CSNK2A2: variants seen among roughly 807,000 people sequenced by gnomAD.
The protein encoded by CSNK2A2 is casein kinase II subunit alpha'.
CSNK2A2 carries 8 observed loss-of-function variants against 54.0 expected under a neutral mutation model. The observed-to-expected ratio is 0.15, with a 90% confidence interval of 0.09 to 0.27. The LOEUF is 0.27. CSNK2A2 is among the 10% of genes least tolerant of loss of function. The probability of loss-of-function intolerance (pLI) is 1.00; values close to 1 mark genes in which losing one functional copy is unlikely to be tolerated. For synonymous variants in CSNK2A2, 141 were observed against 153.9 expected (o/e 0.92, Z 0.62); for missense variants, 242 against 439.4 (o/e 0.55, Z 4.02).
chr16:58,171,972 TA>T (rs1243355785), intron 5 of CSNK2A2, among the ~76,000 whole-genome samples: 114 of 33,892 alleles, frequency 3.4e-3, no homozygotes, highest in South Asian at 6.9e-3. Context: ...TATATATATA[TA>T]TATATATTTT....
At chr16:58,194,224 G>T (rs1962379841) in intron 2 of CSNK2A2, among the ~76,000 whole-genome samples, 1 of 152,186 alleles carries the variant, frequency 6.6e-6, no homozygotes. Context: ...CAAGTTATGA[G>T]GAGCTGGTAG....
At chr16:58,163,084 T>C (rs1046713788) in intron 11 of CSNK2A2, 11 of 151,948 alleles carry the variant, frequency 7.2e-5, no homozygotes, top group African/African-American at 2.7e-4. Flanking sequence ...AAGTCTTTCC[T>C]GAAAAAATTC....
chr16:58,179,670 T>C (rs1271097854), intron 4 of CSNK2A2, among the ~76,000 whole-genome samples: 1 of 152,200 alleles, frequency 6.6e-6, no homozygotes, highest in Non-Finnish European at 1.5e-5. Flanking sequence ...AAATTCACAA[T>C]GTTGCAGTTT....
chr16:58,186,317 T>C (rs1190975028), intron 3 of CSNK2A2, among the ~76,000 whole-genome samples: 1 of 152,238 alleles, frequency 6.6e-6, no homozygotes, highest in East Asian at 1.9e-4. Flanking sequence ...TCAGTGGAGC[T>C]GGGACCTGCT....
rs1962524183 is a variant in CSNK2A2 at position 58,198,052 on chromosome 16, A to AGCCACCGGCCGGGAAAGGGGCAGCGGCG, written c.-344_-317dup. ...CGGCGGCGGCGGCACCGGCAGCGGC[A>AGCCACCGGCCGGGAAAGGGGCAGCGGCG]GCCACCGGCCGGGAAAGGGGCAGCG... On this transcript the variant is annotated 5_prime_UTR_variant, in exon 1 of 12. Coordinates refer to ENST00000262506, the MANE Select transcript of CSNK2A2 (RefSeq NM_001896.4). 1.4e-5 allele frequency: 2 copies of AGCCACCGGCCGGGAAAGGGGCAGCGGCG among 144,024 alleles called. No individual in the cohort carries two copies. The highest frequency in any genetic ancestry group is 3.1e-5 in the Non-Finnish European group (2 of 65,044). The allele number at this position is 144,024 out of a possible 1,614,324, so 8.9% of individuals were successfully genotyped here.
chr16:58,169,399 C>T (rs745719870), intron 5 of CSNK2A2, among the ~76,000 whole-genome samples: 13 of 152,014 alleles, frequency 8.6e-5, no homozygotes, highest in East Asian at 2.0e-4. Context: ...CGTGGTGGTG[C>T]GTGCCTGTAA....
chr16:58,171,958 CAT>C (rs71155247), intron 5 of CSNK2A2, among the ~76,000 whole-genome samples: 10 of 31,334 alleles, frequency 3.2e-4, no homozygotes, highest in African/African-American at 1.7e-3. Context: ...CTGGAGCATG[CAT>C]ATATATATAT....
intron 4 of CSNK2A2, among the ~76,000 whole-genome samples, chr16:58,181,729 GAAGA>G (rs1163688274): frequency 6.6e-6 from 1 of 152,040 alleles, no homozygotes; most frequent in Non-Finnish European, 1.5e-5. Context: ...TGAGAACAAA[GAAGA>G]AAGGGGAGAA....
At position 58,183,928 on chromosome 16, in the gene CSNK2A2, GGCAA is replaced by G. The variant is rs1296909965; in HGVS notation, c.369+328_369+331del. On this transcript the variant is annotated intron_variant, in intron 4 of 11. Coordinates refer to ENST00000262506, the MANE Select transcript of CSNK2A2 (RefSeq NM_001896.4). ...TTGTATCGGTCTATCCCTTCCTCTC[GGCAA>G]AGTAAGATTTCGTACAAAAGGCAAA... Among the ~76,000 whole-genome samples the G allele has an allele frequency of 6.2e-4, 94 of 152,054 alleles. 1 individual carries two copies. The highest frequency in any genetic ancestry group is 2.2e-3 in the African/African-American group (91 of 41,458).
chr16:58,196,848 TA>T lies in CSNK2A2; in HGVS notation c.105-5del. On this transcript the variant is annotated splice_region_variant and splice_polypyrimidine_tract_variant and intron_variant, in intron 1 of 11. Coordinates refer to ENST00000262506, the MANE Select transcript of CSNK2A2 (RefSeq NM_001896.4). ...CAGTTGGTAATCATCTTGATTACTG[TA>T]AAAGGAAGACACACACATAAATGCC... The T allele has an allele frequency of 6.4e-7, 1 of 1,566,714 alleles. No individual in the cohort carries two copies. Among genetic ancestry groups the T allele is most frequent in the South Asian group, 1.1e-5 (1 of 90,042 alleles).
At chr16:58,184,844 G>A (rs924841213) in intron 3 of CSNK2A2, among the ~76,000 whole-genome samples, 3 of 151,952 alleles carry the variant, frequency 2.0e-5, no homozygotes, top group South Asian at 2.1e-4. Context: ...AGGTCTTTTG[G>A]GGGTCCAAAA....
chr16:58,174,557 T>C (rs1200749352), intron 4 of CSNK2A2, 47 bp from the exon 5 acceptor site: 1 of 1,490,488 alleles, frequency 6.7e-7, no homozygotes, highest in African/African-American at 1.4e-5. Flanking sequence ...TCTCACTGCA[T>C]CTTGTCATCC....
chr16:58,174,946 G>A (rs1020778258), intron 4 of CSNK2A2, among the ~76,000 whole-genome samples: 1 of 152,142 alleles, frequency 6.6e-6, no homozygotes, highest in African/African-American at 2.4e-5. Flanking sequence ...AACTTCATGG[G>A]CTACTGTGGT....
intron 5 of CSNK2A2, 88 bp from the exon 6 acceptor site, chr16:58,168,781 A>C: frequency 9.8e-7 from 1 of 1,017,694 alleles, no homozygotes; most frequent in Non-Finnish European, 1.5e-6. Context: ...TGACACCTTG[A>C]CTTGAATACA....
intron 2 of CSNK2A2, among the ~76,000 whole-genome samples, chr16:58,196,104 G>A (rs978808871): frequency 6.6e-6 from 1 of 152,148 alleles, no homozygotes; most frequent in South Asian, 2.1e-4. Flanking sequence ...CAGTGCTCAG[G>A]GAGCCCTTAA....
chr16:58,164,491 GAAT>G (rs777203056), intron 10 of CSNK2A2, among the ~76,000 whole-genome samples: 9 of 151,962 alleles, frequency 5.9e-5, no homozygotes, highest in Non-Finnish European at 1.3e-4. Context: ...AAAGCATGTA[GAAT>G]AACAAGCACT....
chr16:58,190,220 T>TA (rs148151751), intron 2 of CSNK2A2, among the ~76,000 whole-genome samples: 10,156 of 152,146 alleles, frequency 0.067, 409 homozygotes, highest in South Asian at 0.2. Flanking sequence ...TCCAAACCAA[T>TA]AAAAAAATTT....
intron 2 of CSNK2A2, among the ~76,000 whole-genome samples, chr16:58,190,284 T>A (rs1962294687): frequency 1.3e-5 from 2 of 152,226 alleles, no homozygotes; most frequent in East Asian, 3.9e-4. Flanking sequence ...ACAACTGAAC[T>A]GACAAATTCA....
At chr16:58,161,409 A>G (rs1463971613) in intron 11 of CSNK2A2, 2 of 152,204 alleles carry the variant, frequency 1.3e-5, no homozygotes, top group Non-Finnish European at 2.9e-5. Flanking sequence ...AACCTGTTTA[A>G]GATAATGAAG....
Sources: allele counts gnomAD v4.1 joint callset (sites outside exome capture counted in the v4.1 genomes callset), GRCh38; gene constraint gnomAD v4.1.1; transcripts MANE v1.5; gene names NCBI Gene and HGNC (gene_info 2026-07-23, HGNC 2026-07-21).